The following GABBR2 variants were observed in gnomAD, a reference collection of about 807,000 sequenced individuals.
GABBR2 encodes gamma-aminobutyric acid type B receptor subunit 2.
GABBR2 carries 23 observed loss-of-function variants against 105.6 expected under a neutral mutation model. The observed-to-expected ratio is 0.22, with a 90% CI of 0.16 to 0.31. The LOEUF is 0.31. Among genes scored for constraint, GABBR2 ranks in the 10% least tolerant of loss-of-function variants. The pLI is 1.00. For missense variants in GABBR2, 734 were observed against 1,245.5 expected (o/e 0.59, Z 6.18); for synonymous variants, 478 against 499.7 (o/e 0.96, Z 0.58).
chr9:98,299,309 T>C lies in GABBR2; in HGVS notation c.2457A>G (p.Thr819=). 4 of 1,613,924 alleles carry C rather than the reference T, an allele frequency of 2.5e-6. No individual in the cohort carries two copies. The highest frequency in any genetic ancestry group is 2.5e-6 in the Non-Finnish European group (3 of 1,179,816). The change falls in exon 17 of 19, where the codon ACA becomes ACG. Residue 819 remains threonine (T), a synonymous_variant. Transcript: ENST00000259455. ...LEEVTMQLQD[T]PEKTTYIKQN... ...GTTTAATGTAGGTGGTCTTTTCTGG[T>C]GTGTCCTGCAGCTGCATGGTGACCT...
At chr9:98,353,519 TC>T (rs753323107) in intron 13 of GABBR2, among the ~76,000 whole-genome samples, 19 of 152,190 alleles carry the variant, frequency 1.2e-4, no homozygotes, top group South Asian at 2.1e-4. Context: ...TTTGCCCAGA[TC>T]CATCAGAGAA....
intron 1 of GABBR2, among the ~76,000 whole-genome samples, chr9:98,596,875 T>A (rs1033209371): frequency 1.3e-5 from 2 of 151,874 alleles, no homozygotes; most frequent in Non-Finnish European, 2.9e-5. Context: ...GCATCCCTAC[T>A]CCCAATATGC....
chr9:98,683,916 G>A (rs1830583912), intron 1 of GABBR2, among the ~76,000 whole-genome samples: 2 of 149,872 alleles, frequency 1.3e-5, no homozygotes, highest in Non-Finnish European at 1.5e-5. Flanking sequence ...GCTGAGGCAG[G>A]AGAATGACAT....
At chr9:98,661,739 C>T (rs940718765) in intron 1 of GABBR2, among the ~76,000 whole-genome samples, 1 of 152,160 alleles carries the variant, frequency 6.6e-6, no homozygotes, top group Non-Finnish European at 1.5e-5. Context: ...GACCACTGCC[C>T]AAATTATCCA....
chr9:98,639,578 T>C (rs903309998), intron 1 of GABBR2, among the ~76,000 whole-genome samples: 1 of 149,694 alleles, frequency 6.7e-6, no homozygotes, highest in African/African-American at 2.5e-5. Context: ...TCATCAACCA[T>C]TGTTCTCACA....
intron 4 of GABBR2, among the ~76,000 whole-genome samples, chr9:98,489,273 T>C (rs138350829): frequency 9.1e-4 from 139 of 152,290 alleles, no homozygotes; most frequent in Non-Finnish European, 1.6e-3. Flanking sequence ...TCCTTTGATG[T>C]TGAAGCAGAA....
intron 6 of GABBR2, among the ~76,000 whole-genome samples, chr9:98,469,046 C>G (rs1181681447): frequency 6.6e-6 from 1 of 152,218 alleles, no homozygotes; most frequent in African/African-American, 2.4e-5. Context: ...CTTAAAACAA[C>G]AGCAGTTTAT....
At chr9:98,529,160 G>GAA (rs11421284) in intron 3 of GABBR2, among the ~76,000 whole-genome samples, 6 of 145,848 alleles carry the variant, frequency 4.1e-5, no homozygotes, top group African/African-American at 1.5e-4. Context: ...AAAATGTTAA[G>GAA]AAAAAAAAAA....
chr9:98,503,067 C>A (rs1295277068), intron 3 of GABBR2, among the ~76,000 whole-genome samples: 1 of 152,150 alleles, frequency 6.6e-6, no homozygotes, highest in Non-Finnish European at 1.5e-5. Flanking sequence ...AGCTGACTGT[C>A]CCAGGGAATG....
intron 7 of GABBR2, among the ~76,000 whole-genome samples, chr9:98,417,505 G>T (rs1479897394): frequency 6.6e-6 from 1 of 152,226 alleles, no homozygotes; most frequent in East Asian, 1.9e-4. Context: ...AGTAGTTCGG[G>T]GTTCTAGTCC....
intron 1 of GABBR2, among the ~76,000 whole-genome samples, chr9:98,665,184 G>A (rs983745519): frequency 1.3e-5 from 2 of 152,094 alleles, no homozygotes; most frequent in Non-Finnish European, 1.5e-5. Flanking sequence ...TAGGAGGATC[G>A]CCTGAGCCTG....
At chr9:98,575,251 G>T (rs1051475888) in intron 2 of GABBR2, among the ~76,000 whole-genome samples, 6 of 152,176 alleles carry the variant, frequency 3.9e-5, no homozygotes, top group African/African-American at 1.4e-4. Context: ...CTTCCTGAAG[G>T]AGGCAGCATT....
At chr9:98,640,705 G>T (rs371126482) in intron 1 of GABBR2, among the ~76,000 whole-genome samples, 3 of 152,250 alleles carry the variant, frequency 2.0e-5, no homozygotes, top group African/African-American at 7.2e-5. Flanking sequence ...AGGAGGAGGA[G>T]GGTAAGGCAT....
intron 1 of GABBR2, among the ~76,000 whole-genome samples, chr9:98,677,522 C>A (rs931302860): frequency 6.6e-6 from 1 of 152,120 alleles, no homozygotes; most frequent in African/African-American, 2.4e-5. Flanking sequence ...GCCAATTGTG[C>A]CTGCTCTGCC....
At chr9:98,391,697 T>A (rs1832183775) in intron 9 of GABBR2, among the ~76,000 whole-genome samples, 1 of 152,052 alleles carries the variant, frequency 6.6e-6, no homozygotes, top group African/African-American at 2.4e-5. Context: ...TCAGGACAGT[T>A]GAGGAACTGT....
chr9:98,326,403 G>T (rs564624187), intron 13 of GABBR2, among the ~76,000 whole-genome samples: 2 of 152,322 alleles, frequency 1.3e-5, no homozygotes, highest in East Asian at 3.9e-4. Flanking sequence ...TCAAGGAACT[G>T]ACCAAAGAAA....
rs760023782 is a variant in GABBR2 at position 98,473,243 on chromosome 9, C to A, written c.902G>T (p.Arg301Leu). ...AGCAAGCAGATTCTTCCGGAGGCAG[C>A]GGGATGAGTTGGCTTCCGTGTGCAC... is the stretch of plus-strand genomic sequence containing the variant. ...EQVHTEANSSRCLRKNLLAAM... is the reference protein window; with the variant it reads ...EQVHTEANSSLCLRKNLLAAM... Residue 301 changes from arginine (R) to leucine (L), a missense_variant, in exon 6 of 19, where the codon CGC becomes CTC. Around this residue, in one of 7 missense-constraint regions of GABBR2, gnomAD observed 370 missense variants for 648.9 expected, o/e 0.57. Transcript: ENST00000259455. 4 of 1,613,520 alleles carry A rather than the reference C, an allele frequency of 2.5e-6. No homozygotes were observed. Among genetic ancestry groups the A allele is most frequent in the Admixed American group, 3.3e-5 (2 of 59,992 alleles).
At chr9:98,612,845 G>A (rs996585384) in intron 1 of GABBR2, among the ~76,000 whole-genome samples, 3 of 152,132 alleles carry the variant, frequency 2.0e-5, no homozygotes, top group Admixed American at 6.5e-5. Flanking sequence ...CTCATAGCAC[G>A]CCCAAGTAAA....
chr9:98,335,302 A>G (rs1831094174), intron 13 of GABBR2, among the ~76,000 whole-genome samples: 1 of 152,152 alleles, frequency 6.6e-6, no homozygotes, highest in Non-Finnish European at 1.5e-5. Flanking sequence ...TTTTGTCATC[A>G]TCATCATCTC....
Sources: gnomAD v4.1 joint callset for allele counts (sites outside exome capture counted in the v4.1 genomes callset) on GRCh38, gnomAD v4.1.1 for gene constraint, gnomAD v4.1.1 regional missense constraint, MANE v1.5 for transcripts, NCBI Gene and HGNC (gene_info 2026-07-23, HGNC 2026-07-21) for gene names.